The following UNC13C variants were observed in gnomAD, a reference collection of about 807,000 sequenced individuals.
The protein encoded by UNC13C is unc-13 homolog C.
A neutral mutation model predicts 245.4 loss-of-function variants in UNC13C; 174 were observed. The ratio of observed to expected loss-of-function variants is 0.71; its 90% CI spans 0.63 to 0.80. The LOEUF (loss-of-function observed/expected upper bound fraction) is 0.80. Ranked by LOEUF, UNC13C falls within the 30% of genes least tolerant of loss-of-function variation. The pLI, the probability that UNC13C is intolerant of heterozygous loss-of-function variation, is 0.00. For missense variants in UNC13C, 2,829 were observed against 2,602.9 expected, an observed-to-expected ratio of 1.09 and a Z score of -1.89; for synonymous variants, 992 against 895.1, an observed-to-expected ratio of 1.11 and a Z score of -1.93.
At chr15:54,288,494 CT>C (rs56040137) in intron 10 of UNC13C, among the ~76,000 whole-genome samples, 108 of 146,474 alleles carry the variant, frequency 7.4e-4, no homozygotes, top group Middle Eastern at 3.6e-3. Context: ...TACTTGGAGT[CT>C]TTTTTTTTTT....
At chr15:53,921,471 A>C in the UNC13C span, among the ~76,000 whole-genome samples, 1 of 152,242 alleles carries the variant, frequency 6.6e-6, no homozygotes, top group South Asian at 2.1e-4. Context: ...ATTCTGGTTG[A>C]CATTAAAGTT....
At chr15:54,020,911 A>G (rs1478698378) in intron 2 of UNC13C, among the ~76,000 whole-genome samples, 1 of 152,168 alleles carries the variant, frequency 6.6e-6, no homozygotes, top group Non-Finnish European at 1.5e-5. Flanking sequence ...GTAATAGTAG[A>G]AGGCAACTTA....
intron 17 of UNC13C, among the ~76,000 whole-genome samples, chr15:54,341,892 T>A (rs56182219): frequency 6.6e-6 from 1 of 150,602 alleles, no homozygotes; most frequent in Non-Finnish European, 1.5e-5. Context: ...AGGAGAATGG[T>A]GTGAACCCGG....
intron 26 of UNC13C, among the ~76,000 whole-genome samples, chr15:54,539,044 A>T (rs1301638297): frequency 6.6e-6 from 1 of 152,010 alleles, no homozygotes; most frequent in African/African-American, 2.4e-5. Context: ...CAGGTAATTA[A>T]ACTTATTTAG....
At chr15:54,164,379 A>G (rs530064172) in intron 4 of UNC13C, among the ~76,000 whole-genome samples, 19 of 152,308 alleles carry the variant, frequency 1.2e-4, no homozygotes, top group Middle Eastern at 3.4e-3. Flanking sequence ...CGTTTTCCTA[A>G]TTATACTGTA....
rs192872019 is a variant in UNC13C at position 54,101,096 on chromosome 15, T to G, written c.2984-41922T>G. On this transcript the variant is annotated intron_variant, in intron 2 of 32. Transcript: ENST00000260323. ...TTTAGATTTCTGTTTTATGGAGAAA[T>G]TCTCCATCTTATTACATATTTCCTT... Among the ~76,000 whole-genome samples the G allele has an allele frequency of 2.3e-3, 343 of 152,300 alleles. 3 individuals are homozygous for G. Among genetic ancestry groups the G allele is most frequent in the Non-Finnish European group, 3.4e-4 (23 of 68,020 alleles).
At chr15:54,600,656 G>T (rs1899360859) in intron 30 of UNC13C, among the ~76,000 whole-genome samples, 1 of 152,000 alleles carries the variant, frequency 6.6e-6, no homozygotes. Context: ...CTGAATTATG[G>T]ATTATTCTCA....
chr15:54,384,233 G>T (rs746345581), intron 17 of UNC13C, among the ~76,000 whole-genome samples: 1 of 152,024 alleles, frequency 6.6e-6, no homozygotes, highest in Non-Finnish European at 1.5e-5. Context: ...AAACCCGGAG[G>T]CATCATGCTA....
chr15:54,521,988 TAG>T (rs1895236634), intron 24 of UNC13C, among the ~76,000 whole-genome samples: 1 of 152,160 alleles, frequency 6.6e-6, no homozygotes, highest in Non-Finnish European at 1.5e-5. Flanking sequence ...AGAGAGCATT[TAG>T]AGAGAACACT....
At chr15:54,511,109 T>C (rs973227921) in intron 23 of UNC13C, among the ~76,000 whole-genome samples, 2 of 152,038 alleles carry the variant, frequency 1.3e-5, no homozygotes, top group African/African-American at 4.8e-5. Flanking sequence ...TAACGTTAGC[T>C]GGTGAGAGTG....
chr15:54,460,536 G>A (rs935137457), intron 19 of UNC13C, among the ~76,000 whole-genome samples: 1 of 152,164 alleles, frequency 6.6e-6, no homozygotes, highest in Non-Finnish European at 1.5e-5. Context: ...CCAGGAAGTG[G>A]CACTTTCAAG....
Position 54,015,012 on chromosome 15 carries a change from T to C in UNC13C, c.2109T>C (p.Ser703=), listed in dbSNP as rs545619812. The stretch of plus-strand genomic sequence containing the variant: ...TAGAATACTTGGGAAAGTGCCACAG[T>C]GATCTTCAAGATGACTCAGAGAGCT... The part of the protein sequence containing the change: ...KDLEYLGKCH[S]DLQDDSESYD... Residue 703 remains serine, a synonymous_variant, in exon 2 of 33, where the codon AGT becomes AGC. Transcript: ENST00000260323. The C allele has an allele frequency of 1.9e-6, 3 of 1,613,552 alleles. 1 individual carries two copies. In the Admixed American group the frequency reaches 5.0e-5, roughly 27 times the overall value.
chr15:53,891,639 T>G, the UNC13C span, among the ~76,000 whole-genome samples: 2 of 152,232 alleles, frequency 1.3e-5, no homozygotes, highest in Non-Finnish European at 2.9e-5. Flanking sequence ...CTTTTGATCT[T>G]TGTTGCTTTA....
intron 30 of UNC13C, among the ~76,000 whole-genome samples, chr15:54,592,271 G>A (rs1898833374): frequency 1.3e-5 from 2 of 152,076 alleles, no homozygotes; most frequent in Admixed American, 1.3e-4. Context: ...TGTATTCTGT[G>A]GTTGTTGGAT....
intron 2 of UNC13C, among the ~76,000 whole-genome samples, chr15:54,070,280 T>G (rs11071022): frequency 0.48 from 72,783 of 152,136 alleles, 19,038 homozygotes; most frequent in Non-Finnish European, 0.59. Context: ...TCAGAAATAC[T>G]TCATCACCCT....
In UNC13C at chr15:54,365,263, G is replaced by A. The variant is rs527667478; in HGVS notation, c.4713+26774G>A. Among the ~76,000 whole-genome samples the A allele has an allele frequency of 3.3e-5, 5 of 152,032 alleles. No homozygotes were observed. The South Asian group carries it at 8.3e-4, about 25-fold the overall frequency. On this transcript the variant is annotated intron_variant, in intron 17 of 32. Coordinates refer to ENST00000260323, the MANE Select transcript of UNC13C (RefSeq NM_001080534.3). ...TTCTGGCCAGCTGGTCCTTTTTGGA[G>A]GCTAAGTATTTTGTATCCATTGGAA...
intron 4 of UNC13C, among the ~76,000 whole-genome samples, chr15:54,144,384 G>A (rs2141239438): frequency 6.6e-6 from 1 of 151,662 alleles, no homozygotes; most frequent in East Asian, 1.9e-4. Flanking sequence ...AAATAAATAA[G>A]CATGAATTTA....
the UNC13C span, among the ~76,000 whole-genome samples, chr15:53,863,346 A>G: frequency 6.0e-4 from 92 of 152,348 alleles, no homozygotes; most frequent in Middle Eastern, 3.4e-3. Flanking sequence ...AGTATTGGGC[A>G]GGAAACTGCA....
chr15:53,884,643 C>A, the UNC13C span, among the ~76,000 whole-genome samples: 1 of 152,108 alleles, frequency 6.6e-6, no homozygotes, highest in African/African-American at 2.4e-5. Context: ...CCAACTACTT[C>A]ACTCTTTACT....
Sources: allele counts gnomAD v4.1 joint callset (sites outside exome capture counted in the v4.1 genomes callset), GRCh38; gene constraint gnomAD v4.1.1; transcripts MANE v1.5; gene names NCBI Gene and HGNC (gene_info 2026-07-23, HGNC 2026-07-21).